Variants in BRD10 observed in about 807,000 individuals in gnomAD.
BRD10 encodes the protein uncharacterized bromodomain-containing protein 10.
the BRD10 span, among the ~76,000 whole-genome samples, chr9:5,980,739 G>A: frequency 2.6e-5 from 4 of 152,164 alleles, no homozygotes; most frequent in African/African-American, 9.6e-5. Flanking sequence ...TGTCTGCCCA[G>A]ATGATCAGCT....
the BRD10 span, chr9:5,928,968 G>T: frequency 1.4e-6 from 1 of 732,514 alleles, no homozygotes; most frequent in Non-Finnish European, 2.3e-6. Context: ...ACTACTAAAT[G>T]ATTCCAGGAC....
chr9:5,940,394 C>T, the BRD10 span, among the ~76,000 whole-genome samples: 12 of 152,170 alleles, frequency 7.9e-5, no homozygotes, highest in South Asian at 4.2e-4. Context: ...AGGGTTTCAC[C>T]ATGTTAGCCA....
chr9:6,007,151 T>C, the BRD10 span: 1 of 1,569,724 alleles, frequency 6.4e-7, no homozygotes, highest in Non-Finnish European at 8.7e-7. Context: ...TGAGTGTGTG[T>C]TTGTGTCAGT....
chr9:5,923,727 T>A, the BRD10 span, among the ~76,000 whole-genome samples: 28 of 152,348 alleles, frequency 1.8e-4, 1 homozygote, highest in Middle Eastern at 0.014. Flanking sequence ...TCCAATCTAT[T>A]CTATTTCTAG....
the BRD10 span, among the ~76,000 whole-genome samples, chr9:5,960,789 T>C: frequency 6.6e-6 from 1 of 152,118 alleles, no homozygotes; most frequent in Non-Finnish European, 1.5e-5. Flanking sequence ...TCTATAATAG[T>C]ATATTATTGA....
At chr9:5,908,377 T>C in the BRD10 span, among the ~76,000 whole-genome samples, 3 of 152,230 alleles carry the variant, frequency 2.0e-5, no homozygotes, top group Admixed American at 1.3e-4. Context: ...AGACTTTTAC[T>C]GTCATGGAAA....
the BRD10 span, among the ~76,000 whole-genome samples, chr9:5,992,718 T>C: frequency 0.025 from 189 of 7,584 alleles, no homozygotes; most frequent in Admixed American, 0.033. Flanking sequence ...TTCTCCCCCT[T>C]TTTTTTTTTT....
the BRD10 span, chr9:5,922,503 G>A: frequency 6.2e-7 from 1 of 1,613,750 alleles, no homozygotes; most frequent in Non-Finnish European, 8.5e-7. Flanking sequence ...GCTGTATTTG[G>A]TAGTTGGGTA....
chr9:5,992,121 C>A, the BRD10 span, among the ~76,000 whole-genome samples: 3 of 152,202 alleles, frequency 2.0e-5, no homozygotes, highest in Non-Finnish European at 4.4e-5. Flanking sequence ...TATTCTTACA[C>A]TAGTTTCTTT....
At chr9:6,006,351 C>G in the BRD10 span, among the ~76,000 whole-genome samples, 1 of 152,222 alleles carries the variant, frequency 6.6e-6, no homozygotes, top group Non-Finnish European at 1.5e-5. Context: ...AACAGTCAAA[C>G]TACTATTCCA....
At chr9:5,963,786 G>C in the BRD10 span, among the ~76,000 whole-genome samples, 5 of 151,954 alleles carry the variant, frequency 3.3e-5, no homozygotes, top group African/African-American at 7.3e-5. Flanking sequence ...ACAAACCTGA[G>C]AAAAACAAGC....
At chr9:6,007,869 G>A in the BRD10 span, 13 of 1,372,596 alleles carry the variant, frequency 9.5e-6, no homozygotes, top group Middle Eastern at 2.7e-4. Flanking sequence ...GCTTCCTCAC[G>A]GCTCGGCCGC....
chr9:5,958,261 A>G, the BRD10 span, among the ~76,000 whole-genome samples: 1 of 152,204 alleles, frequency 6.6e-6, no homozygotes, highest in Non-Finnish European at 1.5e-5. Context: ...CTAAAGATAT[A>G]TTTTATACTG....
the BRD10 span, among the ~76,000 whole-genome samples, chr9:5,912,171 GGTT>G: frequency 6.6e-6 from 1 of 152,018 alleles, no homozygotes; most frequent in Admixed American, 6.6e-5. Context: ...TGATTTTTCA[GGTT>G]GTTCCCTGTT....
the BRD10 span, among the ~76,000 whole-genome samples, chr9:5,957,173 ATTAAC>A: frequency 2.6e-5 from 4 of 152,256 alleles, no homozygotes; most frequent in Admixed American, 2.6e-4. Context: ...GTCTGTATAA[ATTAAC>A]TTATTTATTT....
the BRD10 span, among the ~76,000 whole-genome samples, chr9:5,960,163 T>C: frequency 5.3e-5 from 8 of 152,220 alleles, no homozygotes; most frequent in Admixed American, 5.2e-4. Context: ...TTGAGGTCAC[T>C]GACCACTTTT....
the BRD10 span, among the ~76,000 whole-genome samples, chr9:5,933,001 C>T: frequency 6.6e-6 from 1 of 152,036 alleles, no homozygotes; most frequent in Non-Finnish European, 1.5e-5. Flanking sequence ...AACACAAAGA[C>T]AGAATGTGGA....
At chr9:5,977,396 C>T in the BRD10 span, among the ~76,000 whole-genome samples, 1 of 152,114 alleles carries the variant, frequency 6.6e-6, no homozygotes, top group African/African-American at 2.4e-5. Flanking sequence ...AGCCCTTTAC[C>T]TTTAGAAATA....
At chr9:5,993,322 A>AC in the BRD10 span, among the ~76,000 whole-genome samples, 1 of 31,786 alleles carries the variant, frequency 3.1e-5, no homozygotes, top group South Asian at 8.9e-4. Flanking sequence ...TAAAAAAAAA[A>AC]AAAAAAAAAA....
Sources: allele counts gnomAD v4.1 joint callset (sites outside exome capture counted in the v4.1 genomes callset), GRCh38; gene constraint gnomAD v4.1.1; transcripts MANE v1.5; gene names NCBI Gene and HGNC (gene_info 2026-07-23, HGNC 2026-07-21).